GPN1: variants seen among roughly 807,000 people sequenced by gnomAD.
GPN1 encodes the protein ATP(GTP)-binding protein.
Under a neutral mutation model 55.9 loss-of-function variants are expected in GPN1, and 44 were observed. The ratio of observed to expected loss-of-function variants is 0.79; its 90% CI spans 0.62 to 1.01. The LOEUF (loss-of-function observed/expected upper bound fraction) is 1.01. Among genes scored for constraint, GPN1 ranks in the 50% least tolerant of loss-of-function variants. The probability of loss-of-function intolerance (pLI) is 0.00; values close to 1 mark genes in which losing one functional copy is unlikely to be tolerated. For missense variants in GPN1, 466 were observed against 462.8 expected (o/e 1.01, Z -0.06); for synonymous variants, 179 against 162.5 (o/e 1.10, Z -0.77).
chr2:27,630,719 A>G (rs1673512399), intron 2 of GPN1, among the ~76,000 whole-genome samples: 4 of 152,184 alleles, frequency 2.6e-5, no homozygotes, highest in Admixed American at 2.6e-4. Context: ...TTTGTCAGTA[A>G]TAGGCAATTA....
chr2:27,629,974 C>T, intron 2 of GPN1, 22 bp downstream of exon 2: 1 of 1,301,772 alleles, frequency 7.7e-7, no homozygotes, highest in Non-Finnish European at 1.1e-6. Context: ...AGTAACATAA[C>T]TTGTGTGCAG....
In GPN1 at chr2:27,639,051, C is replaced by T. The variant is rs772570170; in HGVS notation, c.717+20C>T. The T allele has an allele frequency of 2.2e-5, 35 of 1,579,142 alleles. No individual in the cohort carries two copies. The highest frequency in any genetic ancestry group is 3.0e-5 in the Non-Finnish European group (35 of 1,157,004). ...CTCAGGGTAAATTTTCTCTCCTGCT[C>T]ACACTGACAGCCTCTCCAGATAATC... On this transcript the variant is annotated intron_variant, in intron 9 of 13. Transcript: ENST00000610189.
At chr2:27,635,010 T>C in intron 6 of GPN1, 86 bp downstream of exon 6, 1 of 978,068 alleles carries the variant, frequency 1.0e-6, no homozygotes, top group Non-Finnish European at 1.7e-6. Context: ...GGACTTTATA[T>C]GGGAGGAAGT....
intron 3 of GPN1, 25 bp downstream of exon 3, chr2:27,631,091 CT>C: frequency 8.1e-7 from 1 of 1,235,878 alleles, no homozygotes; most frequent in Non-Finnish European, 1.2e-6. Context: ...CTACTTTGGT[CT>C]TGACTCATTC....
intron 7 of GPN1, among the ~76,000 whole-genome samples, 174 bp downstream of exon 7, chr2:27,635,408 G>A (rs974950821): frequency 6.6e-6 from 1 of 151,404 alleles, no homozygotes; most frequent in African/African-American, 2.4e-5. Context: ...GGAGAAAAGA[G>A]GCACATGTGC....
chr2:27,628,700 G>A, upstream of GPN1: 5 of 1,551,712 alleles, frequency 3.2e-6, no homozygotes, highest in Non-Finnish European at 3.5e-6. Flanking sequence ...GTTCTCTGTG[G>A]GCTCAAAATG....
intron 4 of GPN1, 52 bp downstream of exon 4, chr2:27,631,952 T>G (rs1673572305): frequency 2.0e-6 from 2 of 995,396 alleles, no homozygotes; most frequent in Non-Finnish European, 3.3e-6. Context: ...CTGTGACTCT[T>G]AAATTCCTTA....
At chr2:27,635,098 G>A (rs370148886) in intron 6 of GPN1, 42 bp from the exon 7 acceptor site, 51 of 1,202,920 alleles carry the variant, frequency 4.2e-5, no homozygotes, top group Admixed American at 8.6e-5. Context: ...AGGACAGATC[G>A]TGAGCCCTCT....
chr2:27,631,575 G>A, intron 3 of GPN1: 2 of 547,238 alleles, frequency 3.7e-6, no homozygotes, highest in Non-Finnish European at 6.5e-6. Flanking sequence ...GGCTGTCACT[G>A]CCTGATGCAC....
Position 27,629,175 on chromosome 2 carries a change from G to A in GPN1, c.111+6G>A. ...GGAAAACCACTTTTGTACAGGTGAC[G>A]TACACAGCATGGGTGTAGTAGGGGA... On this transcript the variant is annotated splice_donor_region_variant and intron_variant, in intron 1 of 13. Coordinates refer to ENST00000610189, the MANE Select transcript of GPN1 (RefSeq NM_007266.4). 6.2e-7 allele frequency: 1 copy of A among 1,614,034 alleles called. No homozygotes were observed. The highest frequency in any genetic ancestry group is 1.6e-4 in the Middle Eastern group (1 of 6,062).
In GPN1 at chr2:27,642,466, A is replaced by G; in HGVS notation, c.878A>G (p.Glu293Gly). The G allele has an allele frequency of 6.2e-7, 1 of 1,613,672 alleles. No individual in the cohort carries two copies. The highest frequency in any genetic ancestry group is 8.5e-7 in the Non-Finnish European group (1 of 1,179,570). The change falls in exon 12 of 14, where the codon GAA becomes GGA. Residue 293 changes from glutamate (E) to glycine (G), a missense_variant. Physicochemically the swap from Glu to Gly is moderately conservative, Grantham distance 98 (BLOSUM62 -2). Transcript: ENST00000610189. ...AESQQQREQL[E>G]RLRKDMGSVA... ...AGCCAACAGCAGAGAGAACAACTGG[A>G]ACGCCTTCGAAAAGATATGGGTTCT...
At chr2:27,636,593 C>T (rs769449978) in intron 7 of GPN1, among the ~76,000 whole-genome samples, 1 of 152,102 alleles carries the variant, frequency 6.6e-6, no homozygotes, top group Non-Finnish European at 1.5e-5. Context: ...CTACTGGGTT[C>T]AGGTGATTCT....
chr2:27,644,743 T>A (rs1220869621), intron 12 of GPN1, among the ~76,000 whole-genome samples: 6 of 149,024 alleles, frequency 4.0e-5, no homozygotes, highest in African/African-American at 7.4e-5. Flanking sequence ...TTTTTTTTTT[T>A]ACAGATGAGG....
chr2:27,630,115 A>C (rs1028696849), intron 2 of GPN1, among the ~76,000 whole-genome samples, 163 bp downstream of exon 2: 1 of 152,090 alleles, frequency 6.6e-6, no homozygotes, highest in Admixed American at 6.5e-5. Context: ...GTGAAACTCC[A>C]TCTCTACTAA....
upstream of GPN1, chr2:27,628,301 A>G (rs1673367233): frequency 1.6e-6 from 2 of 1,254,248 alleles, no homozygotes; most frequent in East Asian, 5.0e-5. Context: ...AGGAGTAGAA[A>G]TAATTTTCTA....
chr2:27,648,027 G>A (rs1674324973), intron 13 of GPN1, 84 bp downstream of exon 13: 4 of 760,636 alleles, frequency 5.3e-6, no homozygotes, highest in Non-Finnish European at 9.4e-6. Context: ...TGCTTTAAGC[G>A]TGTAGCCAGT....
chr2:27,641,393 A>G, intron 11 of GPN1, 114 bp downstream of exon 11: 1 of 710,026 alleles, frequency 1.4e-6, no homozygotes, highest in Non-Finnish European at 2.4e-6. Flanking sequence ...ATTTAATTAA[A>G]AAAGTTTTTT....
Position 27,648,326 on chromosome 2 carries a change from C to G in GPN1, c.1039+383C>G, listed in dbSNP as rs573863753. 9.2e-5 allele frequency among the ~76,000 whole-genome samples: 14 copies of G among 152,166 alleles called. 1 individual carries two copies. The South Asian group carries it at 2.9e-3, about 32-fold the overall frequency. ...CTTGAGGCCAGGAGTTCTGGACAAGCCTGGGCAACATAGTTAGTCCCACTC... is the reference window on the plus strand; with the variant it reads ...CTTGAGGCCAGGAGTTCTGGACAAGGCTGGGCAACATAGTTAGTCCCACTC... On this transcript the variant is annotated intron_variant, in intron 13 of 13. Transcript: ENST00000610189.
intron 7 of GPN1, 131 bp from the exon 8 acceptor site, chr2:27,638,079 T>C (rs1374779414): frequency 3.3e-6 from 2 of 613,526 alleles, no homozygotes; most frequent in East Asian, 2.9e-5. Context: ...TATGATGTTA[T>C]GTAAAAATGG....
Sources: gnomAD v4.1 joint callset for allele counts (sites outside exome capture counted in the v4.1 genomes callset) on GRCh38, gnomAD v4.1.1 for gene constraint, MANE v1.5 for transcripts, NCBI Gene and HGNC (gene_info 2026-07-23, HGNC 2026-07-21) for gene names.